The following SSH2 variants were observed in gnomAD, a reference collection of about 807,000 sequenced individuals.
The protein encoded by SSH2 is protein phosphatase Slingshot homolog 2.
A neutral mutation model predicts 135.2 loss-of-function variants in SSH2; 37 were observed. That is an observed-to-expected ratio of 0.27 (90% confidence interval 0.21 to 0.36). The LOEUF (loss-of-function observed/expected upper bound fraction) is 0.36. SSH2 is among the 10% of genes least tolerant of loss of function. The pLI is 1.00. For missense variants in SSH2, 1,408 were observed against 1,765.3 expected (o/e 0.80, Z 3.63); for synonymous variants, 628 against 646.2 (o/e 0.97, Z 0.43).
chr17:29,803,630 C>T lies in SSH2; in HGVS notation c.145-9693G>A, dbSNP rs2151316830. 3.3e-5 allele frequency among the ~76,000 whole-genome samples: 5 copies of T among 152,284 alleles called. No individual in the cohort carries two copies. The Middle Eastern group carries it at 0.01, about 311-fold the overall frequency. Reference sequence around the variant, plus strand: ...TGAGAGGAATTAGATTCCCTTCGCACAATAGCAGAAGTAACAAGAATTTGC... The same window carrying T: ...TGAGAGGAATTAGATTCCCTTCGCATAATAGCAGAAGTAACAAGAATTTGC... On this transcript the variant is annotated intron_variant, in intron 2 of 15. Coordinates refer to ENST00000540801, the MANE Select transcript of SSH2 (RefSeq NM_001282129.2).
intron 3 of SSH2, among the ~76,000 whole-genome samples, chr17:29,724,528 CAA>C (rs1174810786): frequency 1.7e-5 from 1 of 60,592 alleles, no homozygotes; most frequent in Non-Finnish European, 2.9e-5. Context: ...AACTCTGTCT[CAA>C]AAAAAAAAAA....
intron 1 of SSH2, among the ~76,000 whole-genome samples, chr17:29,879,264 T>C (rs1027211859): frequency 1.3e-5 from 2 of 152,160 alleles, no homozygotes; most frequent in Non-Finnish European, 2.9e-5. Flanking sequence ...AGCCATGTTA[T>C]CTATCCAAGG....
chr17:29,778,026 C>T (rs2041748282), intron 3 of SSH2, among the ~76,000 whole-genome samples: 1 of 151,404 alleles, frequency 6.6e-6, no homozygotes, highest in Non-Finnish European at 1.5e-5. Context: ...TCCTCTTTCC[C>T]CTACTAGAAA....
chr17:29,638,330 T>C (rs1400963246), intron 14 of SSH2, among the ~76,000 whole-genome samples: 2 of 150,468 alleles, frequency 1.3e-5, no homozygotes, highest in Non-Finnish European at 3.0e-5. Flanking sequence ...GGTATTTTAG[T>C]GGAATGATAT....
At chr17:29,814,497 G>A (rs546118523) in intron 2 of SSH2, among the ~76,000 whole-genome samples, 42 of 148,852 alleles carry the variant, frequency 2.8e-4, no homozygotes, top group South Asian at 2.8e-3. Flanking sequence ...CAATACTGTC[G>A]AAGGATCAGG....
At position 29,632,400 on chromosome 17, in the gene SSH2, C is replaced by T; in HGVS notation, c.2794G>A (p.Val932Met). 3 of 1,614,174 alleles carry T rather than the reference C, an allele frequency of 1.9e-6. No homozygotes were observed. Among genetic ancestry groups the T allele is most frequent in the Non-Finnish European group, 2.5e-6 (3 of 1,180,000 alleles). The change falls in exon 16 of 16, where the codon GTG (valine) becomes ATG (methionine). Residue 932 changes from valine to methionine, a missense_variant. By Grantham distance (21) the Val-to-Met change is conservative. Transcript: ENST00000540801. ...TTCCCTTTTGGTGCTAGGTCTGCCA[C>T]AGAAGAATCATTCTTTGAATTCTTA... is the stretch of plus-strand genomic sequence containing the variant. ...TRKNSKNDSS[V>M]ADLAPKGKSD... is the part of the protein sequence containing the mutation.
chr17:29,721,197 T>C (rs1161562689), intron 3 of SSH2, among the ~76,000 whole-genome samples: 1 of 152,184 alleles, frequency 6.6e-6, no homozygotes, highest in Non-Finnish European at 1.5e-5. Context: ...AGTTAGGGTT[T>C]AGAAAAAGAG....
At chr17:29,882,288 A>G (rs1399650267) in intron 1 of SSH2, among the ~76,000 whole-genome samples, 1 of 152,200 alleles carries the variant, frequency 6.6e-6, no homozygotes, top group Non-Finnish European at 1.5e-5. Context: ...TTTGATGTGC[A>G]TATTTCTTTC....
At chr17:29,783,006 C>T (rs1692216933) in intron 3 of SSH2, among the ~76,000 whole-genome samples, 1 of 152,128 alleles carries the variant, frequency 6.6e-6, no homozygotes, top group Admixed American at 6.5e-5. Context: ...CAGGCATGAG[C>T]CACCGCGCCT....
intron 3 of SSH2, chr17:29,775,791 C>T (rs972132998): frequency 6.6e-6 from 1 of 152,156 alleles, no homozygotes; most frequent in Non-Finnish European, 1.5e-5. Context: ...TTGAGTTTTT[C>T]ACAACATGAG....
chr17:29,687,697 T>C (rs1280243603), intron 5 of SSH2, among the ~76,000 whole-genome samples: 1 of 152,200 alleles, frequency 6.6e-6, no homozygotes, highest in African/African-American at 2.4e-5. Context: ...TCGCATATTA[T>C]TACATATTTA....
At chr17:29,845,824 T>G (rs1462296386) in intron 2 of SSH2, among the ~76,000 whole-genome samples, 1 of 151,924 alleles carries the variant, frequency 6.6e-6, no homozygotes, top group Non-Finnish European at 1.5e-5. Context: ...CCTCCGAAAG[T>G]GTTGGGATTA....
At chr17:29,663,467 C>T (rs1166671092) in intron 11 of SSH2, among the ~76,000 whole-genome samples, 2 of 152,158 alleles carry the variant, frequency 1.3e-5, no homozygotes, top group African/African-American at 4.8e-5. Flanking sequence ...GAGGAAGCCA[C>T]CAAGGAACAA....
intron 4 of SSH2, among the ~76,000 whole-genome samples, chr17:29,700,585 C>T (rs1225085601): frequency 6.6e-6 from 1 of 152,020 alleles, no homozygotes; most frequent in East Asian, 1.9e-4. Flanking sequence ...GTTGAATTTC[C>T]AGTCTTTTTA....
intron 3 of SSH2, among the ~76,000 whole-genome samples, chr17:29,750,195 T>G (rs912553916): frequency 6.6e-6 from 1 of 151,534 alleles, no homozygotes; most frequent in African/African-American, 2.4e-5. Context: ...CCCAGCACTT[T>G]GGGAGGCCAA....
At chr17:29,643,838 A>T (rs2036266119) in intron 14 of SSH2, among the ~76,000 whole-genome samples, 1 of 152,150 alleles carries the variant, frequency 6.6e-6, no homozygotes, top group African/African-American at 2.4e-5. Flanking sequence ...TTTCTTGGCC[A>T]TATGACCCAG....
intron 2 of SSH2, among the ~76,000 whole-genome samples, chr17:29,837,708 T>G (rs1376403752): frequency 1.3e-5 from 2 of 152,228 alleles, no homozygotes; most frequent in Non-Finnish European, 2.9e-5. Context: ...CAGCCAAGAC[T>G]TGCAGGGCTG....
intron 4 of SSH2, among the ~76,000 whole-genome samples, chr17:29,696,277 C>G (rs183988640): frequency 6.8e-6 from 1 of 147,590 alleles, no homozygotes; most frequent in Non-Finnish European, 1.5e-5. Context: ...TACACACACA[C>G]GTATATATAT....
In SSH2 at chr17:29,636,014, G is replaced by A. The variant is rs751695927; in HGVS notation, c.2216C>T (p.Thr739Ile). ...TGAAGATTCTTCTGATGCATGGGGA[G>A]TATTACTCAAAGAGCTGCTTCTCTG... Reference protein sequence around the residue: ...DDQRSSSLSNTPHASEESSMD... With the variant: ...DDQRSSSLSNIPHASEESSMD... The change falls in exon 15 of 16, where the codon ACT becomes ATT. Residue 739 changes from threonine to isoleucine, a missense_variant. Coordinates refer to ENST00000540801, the MANE Select transcript of SSH2 (RefSeq NM_001282129.2). 6 of 1,614,028 alleles carry A rather than the reference G, an allele frequency of 3.7e-6. No homozygotes were observed. In the Admixed American group the frequency reaches 5.0e-5, roughly 13 times the overall value.
Sources: allele counts gnomAD v4.1 joint callset (sites outside exome capture counted in the v4.1 genomes callset), GRCh38; gene constraint gnomAD v4.1.1; transcripts MANE v1.5; gene names NCBI Gene and HGNC (gene_info 2026-07-23, HGNC 2026-07-21).